Variants in AAGAB observed in about 807,000 individuals in gnomAD.
AAGAB encodes alpha- and gamma-adaptin-binding protein p34.
In AAGAB, 38 loss-of-function variants were observed where a neutral mutation model predicts 44.1. The observed-to-expected ratio is 0.86, with a 90% CI of 0.67 to 1.13. The LOEUF (loss-of-function observed/expected upper bound fraction) is 1.13, where lower values mean the gene tolerates loss of function less well. Among genes scored for constraint, AAGAB ranks in the 50% most tolerant of loss-of-function variants. The pLI is 0.00. For missense variants in AAGAB, 450 were observed against 373.8 expected (o/e 1.20, Z -1.68); for synonymous variants, 131 against 131.8 (o/e 0.99, Z 0.04).
intron 5 of AAGAB, among the ~76,000 whole-genome samples, chr15:67,210,421 C>A (rs1963789482): frequency 6.6e-6 from 1 of 151,300 alleles, no homozygotes. Context: ...GAGGCTGAGG[C>A]AGGAGAATCG....
chr15:67,245,906 C>T (rs192926203), intron 1 of AAGAB, among the ~76,000 whole-genome samples: 2 of 152,310 alleles, frequency 1.3e-5, no homozygotes, highest in East Asian at 3.9e-4. Context: ...ATCAAGATCA[C>T]AGTGTTGTTT....
intron 1 of AAGAB, among the ~76,000 whole-genome samples, chr15:67,244,280 A>C (rs936916601): frequency 6.6e-6 from 1 of 152,194 alleles, no homozygotes; most frequent in Non-Finnish European, 1.5e-5. Context: ...AAGGAGGGTA[A>C]AATCATTATT....
intron 1 of AAGAB, among the ~76,000 whole-genome samples, chr15:67,250,267 G>C (rs958302247): frequency 6.6e-6 from 1 of 152,064 alleles, no homozygotes; most frequent in African/African-American, 2.4e-5. Flanking sequence ...ACCTCTGCCT[G>C]CTGGGTTCAA....
chr15:67,241,966 A>G (rs1433464085), intron 1 of AAGAB, among the ~76,000 whole-genome samples: 2 of 152,224 alleles, frequency 1.3e-5, no homozygotes, highest in Non-Finnish European at 2.9e-5. Flanking sequence ...ATGCTGAGAC[A>G]GAAGAGAAGG....
intron 5 of AAGAB, among the ~76,000 whole-genome samples, chr15:67,228,019 T>C (rs1964244911): frequency 6.6e-6 from 1 of 152,230 alleles, no homozygotes; most frequent in African/African-American, 2.4e-5. Flanking sequence ...CTCCTTGCTT[T>C]GCAGTTCTTT....
chr15:67,208,818 G>A (rs941534340), intron 6 of AAGAB, among the ~76,000 whole-genome samples, 160 bp from the exon 7 acceptor site: 1 of 152,046 alleles, frequency 6.6e-6, no homozygotes, highest in African/African-American at 2.4e-5. Context: ...AAAATAAAAG[G>A]CTAAAACTTA....
At position 67,254,601 on chromosome 15, in the gene AAGAB, T is replaced by C; in HGVS notation, c.31A>G (p.Thr11Ala). The change falls in exon 1 of 10, where the codon ACC (threonine) becomes GCC (alanine). Residue 11 changes from threonine to alanine, a missense_variant. By Grantham distance (58) the Thr-to-Ala change is moderately conservative (BLOSUM62 0). Coordinates refer to ENST00000261880, the MANE Select transcript of AAGAB (RefSeq NM_024666.5). MAAGVPCALV[T>A]SCSSVFSGDQ... is the part of the protein sequence containing the mutation. Reference sequence around the variant, plus strand: ...CCTGAGAAGACGGAGGAGCAGCTGGTGACTAACGCACAGGGTACGCCAGCA... The same window carrying C: ...CCTGAGAAGACGGAGGAGCAGCTGGCGACTAACGCACAGGGTACGCCAGCA... 3 of 1,608,948 alleles carry C rather than the reference T, an allele frequency of 1.9e-6. No individual in the cohort carries two copies. Among genetic ancestry groups the C allele is most frequent in the Admixed American group, 1.7e-5 (1 of 59,638 alleles).
chr15:67,250,584 TTCA>T (rs1358733848), intron 1 of AAGAB, among the ~76,000 whole-genome samples: 1 of 152,178 alleles, frequency 6.6e-6, no homozygotes, highest in Non-Finnish European at 1.5e-5. Context: ...TTAATAAATA[TTCA>T]TCAGAATATA....
chr15:67,241,742 A>G (rs1181745586), intron 1 of AAGAB, among the ~76,000 whole-genome samples: 4 of 152,228 alleles, frequency 2.6e-5, no homozygotes, highest in Non-Finnish European at 5.9e-5. Flanking sequence ...CACTGGGCAC[A>G]GTAAATATTC....
At chr15:67,241,107 T>A (rs914294951) in intron 1 of AAGAB, among the ~76,000 whole-genome samples, 2 of 149,744 alleles carry the variant, frequency 1.3e-5, no homozygotes, top group African/African-American at 4.9e-5. Flanking sequence ...CACACAACCC[T>A]TACCTTATGT....
chr15:67,234,968 C>G, intron 4 of AAGAB, among the ~76,000 whole-genome samples: 1 of 152,186 alleles, frequency 6.6e-6, no homozygotes, highest in East Asian at 1.9e-4. Flanking sequence ...TAAATAAAAC[C>G]AGAATATAGA....
At chr15:67,247,777 A>T (rs1257444827) in intron 1 of AAGAB, among the ~76,000 whole-genome samples, 3 of 152,244 alleles carry the variant, frequency 2.0e-5, no homozygotes, top group Non-Finnish European at 4.4e-5. Flanking sequence ...TTCATTTATT[A>T]TTTAACTTAT....
chr15:67,236,932 G>A (rs1964485103), intron 1 of AAGAB, 112 bp from the exon 2 acceptor site: 2 of 809,816 alleles, frequency 2.5e-6, no homozygotes, highest in East Asian at 5.4e-5. Flanking sequence ...CCTTTTATGT[G>A]AGGATTTCAA....
chr15:67,230,520 A>G (rs1202549488), intron 5 of AAGAB, among the ~76,000 whole-genome samples: 1 of 152,218 alleles, frequency 6.6e-6, no homozygotes, highest in Admixed American at 6.5e-5. Context: ...CTAAGGAACT[A>G]CCAGAAGCTA....
intron 5 of AAGAB, among the ~76,000 whole-genome samples, chr15:67,220,841 T>C (rs1964050003): frequency 1.3e-5 from 2 of 152,230 alleles, no homozygotes; most frequent in South Asian, 2.1e-4. Flanking sequence ...GAATTCACTG[T>C]AGGCTTTTTG....
At chr15:67,204,796 T>C (rs994817299) in intron 7 of AAGAB, among the ~76,000 whole-genome samples, 2 of 152,310 alleles carry the variant, frequency 1.3e-5, no homozygotes, top group African/African-American at 2.4e-5. Context: ...TTTAACTCCT[T>C]CTCCACTCCA....
intron 1 of AAGAB, among the ~76,000 whole-genome samples, chr15:67,237,481 T>A (rs1964497530): frequency 6.6e-6 from 1 of 152,230 alleles, no homozygotes; most frequent in Admixed American, 6.5e-5. Flanking sequence ...ATAAATGTTT[T>A]AGATTATAAC....
At chr15:67,233,151 T>C (rs1964380366) in intron 4 of AAGAB, among the ~76,000 whole-genome samples, 1 of 152,198 alleles carries the variant, frequency 6.6e-6, no homozygotes, top group African/African-American at 2.4e-5. Flanking sequence ...AAATGCTCTA[T>C]CCTGTGCTGG....
upstream of AAGAB, chr15:67,255,095 C>G: frequency 1.3e-6 from 1 of 741,452 alleles, no homozygotes; most frequent in East Asian, 2.7e-5. Context: ...AAATGCCCAC[C>G]CAGACCTTCC....
Sources: gnomAD v4.1 joint callset for allele counts (sites outside exome capture counted in the v4.1 genomes callset) on GRCh38, gnomAD v4.1.1 for gene constraint, MANE v1.5 for transcripts, NCBI Gene and HGNC (gene_info 2026-07-23, HGNC 2026-07-21) for gene names.